Variants in PIBF1 observed in about 807,000 individuals in gnomAD.
The protein encoded by PIBF1 is progesterone-induced-blocking factor 1.
PIBF1 carries 90 observed loss-of-function variants against 112.5 expected under a neutral mutation model. That is an observed-to-expected ratio of 0.80 (90% CI 0.67 to 0.95). The LOEUF is 0.95. PIBF1 is among the 40% of genes least tolerant of loss of function. The probability of loss-of-function intolerance (pLI) is 0.00; values close to 1 mark genes in which losing one functional copy is unlikely to be tolerated. For missense variants in PIBF1, 915 were observed against 852.3 expected (o/e 1.07, Z -0.92); for synonymous variants, 301 against 288.6 (o/e 1.04, Z -0.44).
At chr13:72,995,621 G>A (rs1316974192) in intron 16 of PIBF1, among the ~76,000 whole-genome samples, 1 of 152,064 alleles carries the variant, frequency 6.6e-6, no homozygotes, top group Non-Finnish European at 1.5e-5. Flanking sequence ...CCATAAGCCA[G>A]GATAAACTTT....
chr13:72,939,373 C>G (rs894947870), intron 14 of PIBF1, among the ~76,000 whole-genome samples: 2 of 152,198 alleles, frequency 1.3e-5, no homozygotes, highest in Non-Finnish European at 2.9e-5. Context: ...CCATTAAGCA[C>G]TTAATACCCA....
At chr13:72,905,650 G>A (rs2040676623) in intron 11 of PIBF1, among the ~76,000 whole-genome samples, 1 of 152,052 alleles carries the variant, frequency 6.6e-6, no homozygotes, top group Admixed American at 6.6e-5. Context: ...ATCTGTTGCA[G>A]GTGATTCTCC....
intron 13 of PIBF1, among the ~76,000 whole-genome samples, chr13:72,926,328 T>C (rs529504830): frequency 5.4e-4 from 82 of 152,360 alleles, no homozygotes; most frequent in African/African-American, 1.9e-3. Context: ...TGCTATCATA[T>C]GAATAGTATG....
At chr13:72,926,898 A>G (rs1371701875) in intron 13 of PIBF1, among the ~76,000 whole-genome samples, 1 of 152,176 alleles carries the variant, frequency 6.6e-6, no homozygotes, top group Non-Finnish European at 1.5e-5. Context: ...CCCAGTAGAT[A>G]TTATGTATTC....
chr13:72,966,911 AAAAATT>A (rs141820996), intron 15 of PIBF1, among the ~76,000 whole-genome samples: 16,506 of 151,428 alleles, frequency 0.11, 1,234 homozygotes, highest in Non-Finnish European at 0.17. Context: ...TCTGTCTCAA[AAAAATT>A]AAAATTAAAA....
At chr13:72,831,651 CT>C (rs2037120754) in intron 8 of PIBF1, among the ~76,000 whole-genome samples, 1 of 152,054 alleles carries the variant, frequency 6.6e-6, no homozygotes, top group Admixed American at 6.5e-5. Context: ...GATTTCTGTT[CT>C]TTTGCATTTG....
In PIBF1 at chr13:72,855,857, G is replaced by A. The variant is rs573965544; in HGVS notation, c.1322+1702G>A. 2.6e-5 allele frequency among the ~76,000 whole-genome samples: 4 copies of A among 152,178 alleles called. No individual in the cohort carries two copies. In the South Asian group the frequency reaches 6.2e-4, roughly 24 times the overall value. ...TGTCAGTTTTTAATGTGTAGTTTTA[G>A]GGATGTATATTTTTAGGGATGGCTC... On this transcript the variant is annotated intron_variant, in intron 10 of 17. Coordinates refer to ENST00000326291, the MANE Select transcript of PIBF1 (RefSeq NM_006346.4).
intron 14 of PIBF1, among the ~76,000 whole-genome samples, chr13:72,955,066 T>C (rs575056531): frequency 7.2e-5 from 11 of 152,368 alleles, no homozygotes; most frequent in African/African-American, 2.2e-4. Context: ...TTAACTGTTA[T>C]CACTCTGTTA....
At chr13:72,799,094 C>T (rs1222703420) in intron 5 of PIBF1, among the ~76,000 whole-genome samples, 1 of 152,190 alleles carries the variant, frequency 6.6e-6, no homozygotes, top group African/African-American at 2.4e-5. Flanking sequence ...TATTTTGACA[C>T]TCTCATTTAC....
At chr13:72,844,481 C>T (rs957603642) in intron 9 of PIBF1, among the ~76,000 whole-genome samples, 11 of 151,894 alleles carry the variant, frequency 7.2e-5, no homozygotes, top group Admixed American at 2.6e-4. Flanking sequence ...TAATGCTCTC[C>T]GTCCCCTAGC....
chr13:72,969,590 C>T (rs1594290761), intron 15 of PIBF1: 1 of 152,098 alleles, frequency 6.6e-6, no homozygotes, highest in Admixed American at 6.6e-5. Flanking sequence ...TGTAACAATG[C>T]CATTAAAAAG....
At chr13:72,947,527 T>G (rs1185557147) in intron 14 of PIBF1, among the ~76,000 whole-genome samples, 1 of 152,142 alleles carries the variant, frequency 6.6e-6, no homozygotes, top group Non-Finnish European at 1.5e-5. Context: ...GGCTCAAATT[T>G]CTCCCCAGAA....
chr13:72,914,871 T>C (rs926956266), intron 12 of PIBF1, among the ~76,000 whole-genome samples: 1 of 152,198 alleles, frequency 6.6e-6, no homozygotes, highest in Non-Finnish European at 1.5e-5. Flanking sequence ...TAAGCCACCA[T>C]GCACAGCTGA....
At chr13:72,852,906 G>A (rs1318410949) in intron 9 of PIBF1, among the ~76,000 whole-genome samples, 1 of 152,178 alleles carries the variant, frequency 6.6e-6, no homozygotes, top group African/African-American at 2.4e-5. Flanking sequence ...CTTAGGCTGT[G>A]TGACTTGAGG....
intron 14 of PIBF1, among the ~76,000 whole-genome samples, chr13:72,931,718 G>GTATA (rs3077704): frequency 0.034 from 3,431 of 101,918 alleles, 231 homozygotes; most frequent in African/African-American, 0.096. Context: ...TTTAAACTAC[G>GTATA]TATATATATA....
intron 9 of PIBF1, among the ~76,000 whole-genome samples, chr13:72,840,342 G>T (rs1227188473): frequency 1.3e-5 from 2 of 152,014 alleles, no homozygotes; most frequent in East Asian, 3.9e-4. Flanking sequence ...TTCATAATAA[G>T]TTTACACATT....
At chr13:72,960,498 G>A (rs1249687546) in intron 14 of PIBF1, among the ~76,000 whole-genome samples, 1 of 152,170 alleles carries the variant, frequency 6.6e-6, no homozygotes, top group African/African-American at 2.4e-5. Context: ...TGTATATTTT[G>A]TGCAACTAAA....
chr13:72,897,345 G>T (rs4142379), intron 11 of PIBF1, among the ~76,000 whole-genome samples: 110,859 of 151,568 alleles, frequency 0.73, 40,804 homozygotes, highest in South Asian at 0.81. Context: ...AAACAAAATT[G>T]CTTCAAAGCA....
intron 9 of PIBF1, among the ~76,000 whole-genome samples, chr13:72,851,202 C>T (rs878954553): frequency 3.3e-5 from 5 of 152,142 alleles, no homozygotes; most frequent in Non-Finnish European, 7.4e-5. Context: ...GTTGGAGGGG[C>T]GGGAGCCCTC....
Sources: allele counts gnomAD v4.1 joint callset (sites outside exome capture counted in the v4.1 genomes callset), GRCh38; gene constraint gnomAD v4.1.1; transcripts MANE v1.5; gene names NCBI Gene and HGNC (gene_info 2026-07-23, HGNC 2026-07-21).